The following SASH1 variants were observed in gnomAD, a reference collection of about 807,000 sequenced individuals.
The protein encoded by SASH1 is SAM and SH3 domain-containing protein 1.
Under a neutral mutation model 125.2 loss-of-function variants are expected in SASH1, and 44 were observed. That is an observed-to-expected ratio of 0.35 (90% CI 0.28 to 0.45). The LOEUF is 0.45. Among genes scored for constraint, SASH1 ranks in the 20% least tolerant of loss-of-function variants. The pLI, the probability that SASH1 is intolerant of heterozygous loss-of-function variation, is 1.00. For missense variants in SASH1, 1,426 were observed against 1,614.5 expected (o/e 0.88, Z 2.00); for synonymous variants, 639 against 649.1 (o/e 0.98, Z 0.24).
chr6:148,343,504 G>A (rs1781413236), intron 1 of SASH1, among the ~76,000 whole-genome samples: 8 of 152,240 alleles, frequency 5.3e-5, no homozygotes, highest in Admixed American at 5.2e-4. Flanking sequence ...GTGTGGAAAA[G>A]GCGAGAAAGA....
chr6:148,476,809 A>G (rs559309540), intron 7 of SASH1, among the ~76,000 whole-genome samples: 2 of 152,346 alleles, frequency 1.3e-5, no homozygotes, highest in Admixed American at 1.3e-4. Flanking sequence ...ACTGACTTCA[A>G]ATCTATACTA....
chr6:148,510,138 C>G (rs1397499915), intron 8 of SASH1, among the ~76,000 whole-genome samples: 1 of 152,162 alleles, frequency 6.6e-6, no homozygotes, highest in African/African-American at 2.4e-5. Flanking sequence ...AAATGAAACA[C>G]TTAAGCATTC....
At chr6:148,489,137 A>G (rs1213618216) in intron 8 of SASH1, among the ~76,000 whole-genome samples, 2 of 152,076 alleles carry the variant, frequency 1.3e-5, no homozygotes, top group African/African-American at 4.8e-5. Flanking sequence ...TTTTGAGTTA[A>G]TATTTGTATA....
intron 16 of SASH1, among the ~76,000 whole-genome samples, chr6:148,538,645 A>G (rs1332889253): frequency 1.3e-5 from 2 of 152,170 alleles, no homozygotes; most frequent in Non-Finnish European, 2.9e-5. Context: ...GGGGCTGTAA[A>G]ATGCTTTCCC....
At chr6:148,199,507 G>A in the SASH1 span, among the ~76,000 whole-genome samples, 11 of 152,110 alleles carry the variant, frequency 7.2e-5, no homozygotes, top group Non-Finnish European at 1.5e-4. Context: ...AAACCAGCCT[G>A]AGCAATATAG....
At chr6:148,521,305 T>A (rs1469523290) in intron 10 of SASH1, among the ~76,000 whole-genome samples, 1 of 152,242 alleles carries the variant, frequency 6.6e-6, no homozygotes, top group Non-Finnish European at 1.5e-5. Context: ...TTTAAAGACC[T>A]GAAAGAATAG....
At chr6:148,245,193 A>T in the SASH1 span, among the ~76,000 whole-genome samples, 1 of 152,144 alleles carries the variant, frequency 6.6e-6, no homozygotes, top group African/African-American at 2.4e-5. Flanking sequence ...AAATAGCACT[A>T]ACTCCTCTTT....
At chr6:148,254,816 C>G in the SASH1 span, among the ~76,000 whole-genome samples, 129 of 152,192 alleles carry the variant, frequency 8.5e-4, no homozygotes, top group Middle Eastern at 6.8e-3. Flanking sequence ...CAAAGTTATA[C>G]CCAGAGTTTT....
rs567785687 is a variant in SASH1, at chr6:148,504,246, G to A, written c.730-10078G>A. ...GAAGATGAGCCATCAGGGCAGTGATGGGCATGGGGTGTTTGAGATGCTGCA... is the reference window on the plus strand; with the variant it reads ...GAAGATGAGCCATCAGGGCAGTGATAGGCATGGGGTGTTTGAGATGCTGCA... On this transcript the variant is annotated intron_variant, in intron 8 of 19. Transcript: ENST00000367467. Among the ~76,000 whole-genome samples, 56 of 152,284 alleles carry A rather than the reference G, an allele frequency of 3.7e-4. No individual in the cohort carries two copies. In the South Asian group the frequency reaches 7.9e-3, roughly 21 times the overall value.
chr6:148,362,072 C>T (rs1287359660), intron 1 of SASH1, among the ~76,000 whole-genome samples: 1 of 151,048 alleles, frequency 6.6e-6, no homozygotes, highest in East Asian at 2.0e-4. Context: ...CACAACCACG[C>T]CCAGCTATTT....
At chr6:148,226,366 G>A in the SASH1 span, among the ~76,000 whole-genome samples, 1 of 152,120 alleles carries the variant, frequency 6.6e-6, no homozygotes, top group South Asian at 2.1e-4. Context: ...TTTCCCTGAA[G>A]TAAAAATAAA....
chr6:148,198,803 A>G, the SASH1 span, among the ~76,000 whole-genome samples: 1 of 152,244 alleles, frequency 6.6e-6, no homozygotes, highest in African/African-American at 2.4e-5. Flanking sequence ...AGACATTTTC[A>G]CATAATAATC....
At chr6:148,202,254 T>C in the SASH1 span, among the ~76,000 whole-genome samples, 2 of 152,118 alleles carry the variant, frequency 1.3e-5, no homozygotes, top group Non-Finnish European at 1.5e-5. Context: ...TAAAAACTAC[T>C]CTACAATGGA....
At chr6:148,306,281 C>T (rs1471807182) in intron 1 of SASH1, among the ~76,000 whole-genome samples, 1 of 152,114 alleles carries the variant, frequency 6.6e-6, no homozygotes, top group African/African-American at 2.4e-5. Context: ...ACCAGGAAGT[C>T]AGGATGCCAT....
intron 1 of SASH1, among the ~76,000 whole-genome samples, chr6:148,375,830 C>T (rs956310117): frequency 2.0e-5 from 3 of 152,050 alleles, no homozygotes; most frequent in South Asian, 2.1e-4. Context: ...ATAGGATGAA[C>T]GCAACAGAGT....
At chr6:148,290,157 C>T (rs980144128) in intron 1 of SASH1, among the ~76,000 whole-genome samples, 3 of 150,626 alleles carry the variant, frequency 2.0e-5, no homozygotes, top group South Asian at 2.1e-4. Flanking sequence ...CGAGAGCCAC[C>T]GTACCCAGCT....
chr6:148,487,112 CATATATAT>C (rs370037960), intron 7 of SASH1, among the ~76,000 whole-genome samples: 2 of 120,658 alleles, frequency 1.7e-5, no homozygotes, highest in Non-Finnish European at 3.5e-5. Flanking sequence ...CACACACACA[CATATATAT>C]ATATATATAT....
At chr6:148,406,579 G>C (rs1436509929) in intron 2 of SASH1, among the ~76,000 whole-genome samples, 3 of 152,198 alleles carry the variant, frequency 2.0e-5, no homozygotes, top group Non-Finnish European at 4.4e-5. Context: ...CTGGGCTTGG[G>C]GATCCAGGTA....
chr6:148,343,891 A>G (rs887127194), intron 1 of SASH1, among the ~76,000 whole-genome samples: 5 of 152,144 alleles, frequency 3.3e-5, no homozygotes, highest in African/African-American at 4.8e-5. Flanking sequence ...TGGGGAAGTA[A>G]TAGATTTGCT....
Sources: allele counts gnomAD v4.1 joint callset (sites outside exome capture counted in the v4.1 genomes callset), GRCh38; gene constraint gnomAD v4.1.1; transcripts MANE v1.5; gene names NCBI Gene and HGNC (gene_info 2026-07-23, HGNC 2026-07-21).